The following AFMID variants were observed in gnomAD, a reference collection of about 807,000 sequenced individuals.
The protein encoded by AFMID is arylformamidase.
In AFMID, 39 loss-of-function variants were observed where a neutral mutation model predicts 47.5. That is an observed-to-expected ratio of 0.82 (90% CI 0.64 to 1.07). The LOEUF is 1.07. Ranked by LOEUF, AFMID falls within the 50% of genes least tolerant of loss-of-function variation. The probability of loss-of-function intolerance (pLI) is 0.00; values close to 1 mark genes in which losing one functional copy is unlikely to be tolerated. For synonymous variants in AFMID, 130 were observed against 153.2 expected, an observed-to-expected ratio of 0.85 and a Z score of 1.12; for missense variants, 375 against 387.5, an observed-to-expected ratio of 0.97 and a Z score of 0.27.
rs1395194016 is a variant in AFMID, at chr17:78,202,751, G to A, written c.308G>A (p.Ser103Asn). 23 of 1,556,396 alleles carry A rather than the reference G, an allele frequency of 1.5e-5. No homozygotes were observed. Among genetic ancestry groups the A allele is most frequent in the Non-Finnish European group, 1.9e-5 (22 of 1,149,662 alleles). Reference sequence around the variant, plus strand: ...CACGGAGGATACTGGCAGAGCGGAAGGTGAGTCGGGGGATGTGGATGGTGG... The same window carrying A: ...CACGGAGGATACTGGCAGAGCGGAAAGTGAGTCGGGGGATGTGGATGGTGG... ...FFHGGYWQSG[S>N]KDESAFMVHP... The change falls in exon 4 of 11, where the codon AGT becomes AAT. Residue 103 changes from serine (S) to asparagine (N), a missense_variant and splice_region_variant. Coordinates refer to ENST00000409257, the MANE Select transcript of AFMID (RefSeq NM_001010982.5).
chr17:78,207,130 C>A lies in AFMID; in HGVS notation c.*193C>A. ...AAAATCTCCACGTCCTCCCTCTTCC[C>A]AGCCTGGATGGAGCTCCAGGGCTGG... is the stretch of plus-strand genomic sequence containing the variant. On this transcript the variant is annotated 3_prime_UTR_variant, in exon 11 of 11. Transcript: ENST00000409257. 1.5e-6 allele frequency: 1 copy of A among 651,652 alleles called. No homozygotes were observed. Among genetic ancestry groups the A allele is most frequent in the Non-Finnish European group, 2.7e-6 (1 of 372,564 alleles). The allele number at this position is 651,652 out of a possible 1,614,324, so 40.4% of individuals were successfully genotyped here.
At chr17:78,200,929 G>A (rs995302142) in intron 2 of AFMID, among the ~76,000 whole-genome samples, 4 of 152,102 alleles carry the variant, frequency 2.6e-5, no homozygotes, top group African/African-American at 9.7e-5. Flanking sequence ...CTAGGAGTGC[G>A]TTGCTGCGGT....
rs991088919 is a variant in AFMID, at chr17:78,202,437, G to T, written c.155-62G>T. 3.2e-6 allele frequency: 5 copies of T among 1,543,658 alleles called. No homozygotes were observed. In the African/African-American group the frequency reaches 5.5e-5, roughly 17 times the overall value. ...GAGTGAGACTTCGTCTCAAAAAAAA[G>T]AAAAGAAAAATTTCTACCACCTGAG... On this transcript the variant is annotated intron_variant, in intron 2 of 10. Transcript: ENST00000409257.
At chr17:78,189,803 A>C (rs2075911850) in intron 1 of AFMID, among the ~76,000 whole-genome samples, 1 of 148,122 alleles carries the variant, frequency 6.8e-6, no homozygotes. Context: ...TACAGGCGAG[A>C]GCCACCGTGT....
chr17:78,190,889 G>A (rs2075948294), intron 1 of AFMID, 81 bp from the exon 2 acceptor site: 1 of 1,279,956 alleles, frequency 7.8e-7, no homozygotes, highest in Non-Finnish European at 1.1e-6. Context: ...GCAGAGAGGA[G>A]CAGCCGGGCA....
At chr17:78,190,908 G>A (rs2075949189) in intron 1 of AFMID, 62 bp from the exon 2 acceptor site, 2 of 1,496,696 alleles carry the variant, frequency 1.3e-6, no homozygotes, top group Non-Finnish European at 1.8e-6. Flanking sequence ...CATGGGCGAG[G>A]GGGAGGGGCA....
intron 2 of AFMID, 21 bp from the exon 3 acceptor site, chr17:78,202,478 A>T (rs369492373): frequency 1.3e-5 from 21 of 1,610,708 alleles, no homozygotes; most frequent in Non-Finnish European, 1.7e-5. Context: ...GCTGACAGCG[A>T]CTTGTCCATT....
In AFMID at chr17:78,197,116, T is replaced by G. The variant is rs760385916; in HGVS notation, c.155-5383T>G. Reference sequence around the variant, plus strand: ...AATTCCATGATGTTTTTCTTAATCGTAGCACAACTTTAATCTAGTCCATTT... The same window carrying G: ...AATTCCATGATGTTTTTCTTAATCGGAGCACAACTTTAATCTAGTCCATTT... On this transcript the variant is annotated intron_variant, in intron 2 of 10. Coordinates refer to ENST00000409257, the MANE Select transcript of AFMID (RefSeq NM_001010982.5). 5 of 1,534,514 alleles carry G rather than the reference T, an allele frequency of 3.3e-6. No homozygotes were observed. The South Asian group carries it at 4.8e-5, about 15-fold the overall frequency.
chr17:78,196,176 C>T (rs2076108385), intron 2 of AFMID, among the ~76,000 whole-genome samples: 1 of 152,090 alleles, frequency 6.6e-6, no homozygotes, highest in African/African-American at 2.4e-5. Context: ...GCCAGCCTGG[C>T]CAACATAGTG....
intron 1 of AFMID, among the ~76,000 whole-genome samples, chr17:78,188,670 C>T (rs1220580014): frequency 6.6e-6 from 1 of 152,008 alleles, no homozygotes; most frequent in Non-Finnish European, 1.5e-5. Flanking sequence ...GATCTGGGCT[C>T]ACTGCAACCT....
chr17:78,198,663 G>A (rs1045582304), intron 2 of AFMID, among the ~76,000 whole-genome samples: 1 of 149,550 alleles, frequency 6.7e-6, no homozygotes, highest in Non-Finnish European at 1.5e-5. Context: ...AAAAAAATTA[G>A]ACAGGTGTGG....
At chr17:78,206,109 C>T (rs2076373893) in intron 10 of AFMID, 59 bp downstream of exon 10, 2 of 1,470,114 alleles carry the variant, frequency 1.4e-6, no homozygotes, top group Middle Eastern at 1.9e-4. Flanking sequence ...TGTCGCAGCC[C>T]CTTAGATGTG....
rs1449269962 is a variant in AFMID at position 78,205,739 on chromosome 17, GT to G, written c.780+2del. The G allele has an allele frequency of 6.2e-7, 1 of 1,608,496 alleles. No homozygotes were observed. Among genetic ancestry groups the G allele is most frequent in the African/African-American group, 1.3e-5 (1 of 74,914 alleles). ...CCGACAGTCCTGGGAGTTTTACCAGGTACTCCCAGTGCAGGTTTGTGGCCAG... is the reference window on the plus strand; with the variant it reads ...CCGACAGTCCTGGGAGTTTTACCAGGACTCCCAGTGCAGGTTTGTGGCCAG... On this transcript the variant is annotated splice_donor_variant, in intron 9 of 10. Coordinates refer to ENST00000409257, the MANE Select transcript of AFMID (RefSeq NM_001010982.5). LOFTEE classifies it high-confidence loss of function.
In AFMID at chr17:78,207,041, C is replaced by T. The variant is rs1599020694; in HGVS notation, c.*104C>T. 1.6e-6 allele frequency: 2 copies of T among 1,257,582 alleles called. No individual in the cohort carries two copies. Among genetic ancestry groups the T allele is most frequent in the East Asian group, 4.6e-5 (2 of 43,150 alleles). The allele number at this position is 1,257,582 out of a possible 1,614,324, so 77.9% of individuals were successfully genotyped here. ...GACAGCTTCAGTTTCCCCCAGCACC[C>T]AGGAGAGCCTTGCTGTGTCTGTCTG... is the stretch of plus-strand genomic sequence containing the variant. On this transcript the variant is annotated 3_prime_UTR_variant, in exon 11 of 11. Coordinates refer to ENST00000409257, the MANE Select transcript of AFMID (RefSeq NM_001010982.5).
Position 78,190,997 on chromosome 17 carries a change from C to T in AFMID, c.91C>T (p.Arg31Ter), listed in dbSNP as rs748815479. Reference protein sequence around the residue: ...EELENQYCPSRWVVRLGAEEA... With the variant: ...EELENQYCPS ...GCTGGAGAATCAGTACTGTCCCAGC[C>T]GATGGGTTGTCCGACTGGGAGCAGA... The change falls in exon 2 of 11, where the codon CGA (arginine) becomes TGA (stop). Residue 31 changes from arginine to a stop codon, truncating the protein, a stop_gained. Transcript: ENST00000409257. LOFTEE classifies it high-confidence loss of function. 7.4e-5 allele frequency: 119 copies of T among 1,613,796 alleles called. No individual in the cohort carries two copies. The highest frequency in any genetic ancestry group is 9.7e-5 in the Non-Finnish European group (114 of 1,179,980).
chr17:78,205,214 G>A (rs757948142), intron 7 of AFMID, 24 bp downstream of exon 7: 1 of 1,597,402 alleles, frequency 6.3e-7, no homozygotes. Flanking sequence ...CTACAGCCTG[G>A]CTGGGCAACC....
intron 2 of AFMID, 42 bp downstream of exon 2, chr17:78,191,102 A>G: frequency 6.5e-7 from 1 of 1,541,934 alleles, no homozygotes; most frequent in Non-Finnish European, 8.9e-7. Context: ...GGTGTCCTTA[A>G]GCATGTGGCA....
chr17:78,200,456 A>G (rs2076218460), intron 2 of AFMID, among the ~76,000 whole-genome samples: 1 of 152,008 alleles, frequency 6.6e-6, no homozygotes, highest in African/African-American at 2.4e-5. Context: ...GTATTTCCTT[A>G]TTTGGAAAGA....
intron 10 of AFMID, among the ~76,000 whole-genome samples, 160 bp downstream of exon 10, chr17:78,206,210 G>A (rs758946642): frequency 9.2e-5 from 14 of 151,958 alleles, no homozygotes; most frequent in African/African-American, 3.4e-4. Flanking sequence ...GTGATGGTAC[G>A]TGCCTGTAAT....
Sources: gnomAD v4.1 joint callset for allele counts (sites outside exome capture counted in the v4.1 genomes callset) on GRCh38, gnomAD v4.1.1 for gene constraint, MANE v1.5 for transcripts, NCBI Gene and HGNC (gene_info 2026-07-23, HGNC 2026-07-21) for gene names.